Variants in KITLG observed in about 807,000 individuals in gnomAD.
KITLG encodes the protein c-Kit ligand.
A neutral mutation model predicts 34.1 loss-of-function variants in KITLG; 13 were observed. The ratio of observed to expected loss-of-function variants is 0.38; its 90% CI spans 0.25 to 0.61. The LOEUF is 0.61. Ranked by LOEUF, KITLG falls within the 20% of genes least tolerant of loss-of-function variation. The pLI is 0.60. For synonymous variants in KITLG, 110 were observed against 104.0 expected (o/e 1.06, Z -0.35); for missense variants, 292 against 318.9 (o/e 0.92, Z 0.64).
rs563619311 is a variant in KITLG at position 88,569,287 on chromosome 12, A to G, written c.15+10977T>C. On this transcript the variant is annotated intron_variant, in intron 1 of 9. Transcript: ENST00000644744. ...TCTAGGTAAACTCTTTTGTGATTCT[A>G]ATTATACACATTTTTCTTTTTCAGT... is the stretch of plus-strand genomic sequence containing the variant. Among the ~76,000 whole-genome samples, 291 of 152,306 alleles carry G rather than the reference A, an allele frequency of 1.9e-3. 2 individuals are homozygous for G. Among genetic ancestry groups the G allele is most frequent in the South Asian group, 5.2e-3 (25 of 4,828 alleles).
intron 1 of KITLG, chr12:88,564,393 G>C (rs1871380366): frequency 8.6e-6 from 1 of 116,808 alleles, no homozygotes; most frequent in East Asian, 2.6e-4. Context: ...AGGGAAACTG[G>C]ATAGCAAAGA....
intron 3 of KITLG, among the ~76,000 whole-genome samples, chr12:88,524,620 C>T (rs1187925525): frequency 2.6e-5 from 4 of 151,544 alleles, no homozygotes; most frequent in Non-Finnish European, 5.9e-5. Context: ...TGCTACCAGA[C>T]AATTAAGATT....
intron 1 of KITLG, among the ~76,000 whole-genome samples, chr12:88,576,336 G>A (rs576723171): frequency 5.6e-4 from 85 of 152,176 alleles, no homozygotes; most frequent in African/African-American, 1.9e-3. Flanking sequence ...TCACCAAATC[G>A]ACAGACGTAG....
rs768707564 is a variant in KITLG, at chr12:88,518,878, T to A, written c.193-11A>T. On this transcript the variant is annotated splice_polypyrimidine_tract_variant and intron_variant, in intron 3 of 9. Transcript: ENST00000644744. ...CCAACAATGACTTGGCTGCAAGATA[T>A]GAAAAAAGAGACAAAACAGCTATTT... 29 of 1,612,084 alleles carry A rather than the reference T, an allele frequency of 1.8e-5. No individual in the cohort carries two copies. Among genetic ancestry groups the A allele is most frequent in the Non-Finnish European group, 2.3e-5 (27 of 1,179,020 alleles).
chr12:88,565,657 G>A (rs1433652103), intron 1 of KITLG, among the ~76,000 whole-genome samples: 1 of 151,950 alleles, frequency 6.6e-6, no homozygotes, highest in African/African-American at 2.4e-5. Flanking sequence ...AAAATCTCTA[G>A]GTGAGAAAAT....
At chr12:88,523,685 G>T (rs1234357941) in intron 3 of KITLG, among the ~76,000 whole-genome samples, 3 of 152,122 alleles carry the variant, frequency 2.0e-5, no homozygotes, top group Non-Finnish European at 4.4e-5. Context: ...CCATGGGCAG[G>T]CAAATTTAAA....
chr12:88,495,233 C>G lies in KITLG; in HGVS notation c.*1986G>C, dbSNP rs1868590135. 1 of 151,994 alleles carries G rather than the reference C, an allele frequency of 6.6e-6. No individual in the cohort carries two copies. The highest frequency in any genetic ancestry group is 1.5e-5 in the Non-Finnish European group (1 of 67,968). The allele number at this position is 151,994 out of a possible 1,614,324, so 9.4% of individuals were successfully genotyped here. A position where few individuals can be genotyped will look rare whatever the true frequency, so the allele number is the denominator to read the frequency against. On this transcript the variant is annotated 3_prime_UTR_variant, in exon 10 of 10. Transcript: ENST00000644744. ...ACATTAAGCAGGATTTTCATATGCT[C>G]AAGCAAACTGAAACCATTGGTTAAA...
At chr12:88,505,848 A>C (rs1869037540) in intron 8 of KITLG, among the ~76,000 whole-genome samples, 1 of 152,220 alleles carries the variant, frequency 6.6e-6, no homozygotes, top group South Asian at 2.1e-4. Context: ...GAAGGGCTAA[A>C]GAAAAGATCA....
At position 88,492,793 on chromosome 12, in the gene KITLG, T is replaced by A. The variant is rs1868461374; in HGVS notation, c.*4426A>T. The A allele has an allele frequency of 6.6e-6, 1 of 152,362 alleles. No individual in the cohort carries two copies. The highest frequency in any genetic ancestry group is 6.6e-5 in the Admixed American group (1 of 15,200). 9.4% of individuals were successfully genotyped at this position (152,362 alleles called of 1,614,324 possible). On this transcript the variant is annotated 3_prime_UTR_variant, in exon 10 of 10. Coordinates refer to ENST00000644744, the MANE Select transcript of KITLG (RefSeq NM_000899.5). ...GATATAAAATGACAGGGTAAATTTA[T>A]GAGAGTGCATAAAATTCTTTATTTA... is the stretch of plus-strand genomic sequence containing the variant.
intron 1 of KITLG, among the ~76,000 whole-genome samples, chr12:88,573,648 TG>T (rs1456204829): frequency 2.0e-5 from 3 of 152,310 alleles, no homozygotes; most frequent in African/African-American, 7.2e-5. Context: ...GATGAACTTC[TG>T]CTCCTGAAAA....
At chr12:88,570,544 A>AC (rs1052269632) in intron 1 of KITLG, among the ~76,000 whole-genome samples, 1 of 151,812 alleles carries the variant, frequency 6.6e-6, no homozygotes, top group African/African-American at 2.4e-5. Context: ...CAACAAAAAA[A>AC]AAACAAAGAA....
intron 1 of KITLG, among the ~76,000 whole-genome samples, chr12:88,558,552 T>C (rs541559390): frequency 1.3e-3 from 204 of 152,344 alleles, no homozygotes; most frequent in Middle Eastern, 0.01. Flanking sequence ...ACATACCAAC[T>C]GCCTTTTTAG....
intron 2 of KITLG, among the ~76,000 whole-genome samples, chr12:88,533,565 A>G (rs985688843): frequency 1.2e-4 from 19 of 152,174 alleles, no homozygotes; most frequent in African/African-American, 4.3e-4. Context: ...CCAGATGAAT[A>G]ATTTAGCCAA....
chr12:88,542,987 A>G (rs1205924683), intron 2 of KITLG, among the ~76,000 whole-genome samples: 1 of 152,204 alleles, frequency 6.6e-6, no homozygotes, highest in Admixed American at 6.5e-5. Context: ...ACAATGACAG[A>G]AGAGACCATC....
chr12:88,500,015 T>A (rs940879823), intron 9 of KITLG, among the ~76,000 whole-genome samples: 1 of 152,218 alleles, frequency 6.6e-6, no homozygotes, highest in African/African-American at 2.4e-5. Flanking sequence ...TACCTCCTTA[T>A]GTGACACAAG....
At chr12:88,568,192 T>A (rs1402659606) in intron 1 of KITLG, among the ~76,000 whole-genome samples, 1 of 152,208 alleles carries the variant, frequency 6.6e-6, no homozygotes, top group African/African-American at 2.4e-5. Context: ...CATACTGATG[T>A]GTCTGCTGGC....
At position 88,572,594 on chromosome 12, in the gene KITLG, A is replaced by ATT. The variant is rs1157267456; in HGVS notation, c.15+7668_15+7669dup. ...ACATTATATATATATTATATACATT[A>ATT]TTATATATATATATATATATATATA... On this transcript the variant is annotated intron_variant, in intron 1 of 9. Coordinates refer to ENST00000644744, the MANE Select transcript of KITLG (RefSeq NM_000899.5). Among the ~76,000 whole-genome samples the ATT allele has an allele frequency of 9.1e-3, 452 of 49,630 alleles. 3 individuals carry two copies. The highest frequency in any genetic ancestry group is 0.036 in the East Asian group (89 of 2,478). The allele number at this position is 49,630 out of a possible 152,430, so 32.6% of individuals were successfully genotyped here. A position where few individuals can be genotyped will look rare whatever the true frequency, so the allele number is the denominator to read the frequency against.
intron 1 of KITLG, among the ~76,000 whole-genome samples, chr12:88,568,892 C>T (rs1050293306): frequency 2.4e-4 from 36 of 152,192 alleles, no homozygotes; most frequent in Non-Finnish European, 4.4e-4. Flanking sequence ...AAGTATTATT[C>T]TTCCATTTTA....
chr12:88,560,982 AAAAAAAAAAAAG>A (rs1259346102), intron 1 of KITLG, among the ~76,000 whole-genome samples: 18 of 151,022 alleles, frequency 1.2e-4, no homozygotes, highest in Middle Eastern at 6.8e-3. Flanking sequence ...AAAAAAAAAA[AAAAAAAAAAAAG>A]AAAGAAAGAA....
Sources: allele counts gnomAD v4.1 joint callset (sites outside exome capture counted in the v4.1 genomes callset), GRCh38; gene constraint gnomAD v4.1.1; transcripts MANE v1.5; gene names NCBI Gene and HGNC (gene_info 2026-07-23, HGNC 2026-07-21).